HEATR5A: variants seen among roughly 807,000 people sequenced by gnomAD.
HEATR5A encodes HEAT repeat-containing protein 5A.
HEATR5A carries 178 observed loss-of-function variants against 218.8 expected under a neutral mutation model. That is an observed-to-expected ratio of 0.81 (90% CI 0.72 to 0.92). The LOEUF is 0.92. Ranked by LOEUF, HEATR5A falls within the 40% of genes least tolerant of loss-of-function variation. The pLI is 0.00. For missense variants in HEATR5A, 2,420 were observed against 2,418.9 expected, an observed-to-expected ratio of 1.00 and a Z score of -0.01; for synonymous variants, 864 against 871.6, an observed-to-expected ratio of 0.99 and a Z score of 0.15.
chr14:31,308,636 T>C (rs9972227), intron 29 of HEATR5A, among the ~76,000 whole-genome samples: 21 of 152,224 alleles, frequency 1.4e-4, no homozygotes, highest in Middle Eastern at 3.4e-3. Context: ...TAACTTTACT[T>C]TGGCTAAAAT....
rs544118229 is a variant in HEATR5A, at chr14:31,325,697, G to A, written c.3547+466C>T. On this transcript the variant is annotated intron_variant, in intron 23 of 35. Transcript: ENST00000543095. ...CTAATTAAAAAAAAAATTTTTTTTT[G>A]TAGAGATGGTGTTTTGCCACGTTGC... Among the ~76,000 whole-genome samples the A allele has an allele frequency of 8.6e-5, 13 of 151,786 alleles. 1 individual carries two copies. The South Asian group carries it at 2.5e-3, about 29-fold the overall frequency.
chr14:31,407,119 C>T (rs563058112), intron 1 of HEATR5A, among the ~76,000 whole-genome samples: 178 of 150,174 alleles, frequency 1.2e-3, no homozygotes, highest in Middle Eastern at 6.8e-3. Flanking sequence ...ATGAGACCCC[C>T]ATCTCTACAA....
In HEATR5A at chr14:31,358,829, G is replaced by C; in HGVS notation, c.2236-17C>G. On this transcript the variant is annotated splice_polypyrimidine_tract_variant and intron_variant, in intron 15 of 35. Coordinates refer to ENST00000543095, the MANE Select transcript of HEATR5A (RefSeq NM_015473.4). Reference sequence around the variant, plus strand: ...AAGCAGGAGCTAAAAGGGAAAAAAAGTATATAAGGTTTTAAAATCACTGAT... The same window carrying C: ...AAGCAGGAGCTAAAAGGGAAAAAAACTATATAAGGTTTTAAAATCACTGAT... The C allele has an allele frequency of 6.2e-7, 1 of 1,611,444 alleles. No individual in the cohort carries two copies. Among genetic ancestry groups the C allele is most frequent in the African/African-American group, 1.3e-5 (1 of 74,838 alleles).
At chr14:31,317,331 G>A (rs1004562192) in intron 26 of HEATR5A, among the ~76,000 whole-genome samples, 29 of 99,986 alleles carry the variant, frequency 2.9e-4, no homozygotes, top group African/African-American at 1.1e-3. Context: ...TTGAGATGGA[G>A]TCTCCCTCTA....
rs1566755014 is a variant in HEATR5A, at chr14:31,326,223, C to T, written c.3487G>A (p.Ala1163Thr). ...AACCACAGGGAGAGTTTTTCCACTG[C>T]CATAGATGTAAGCATATAATTTAAA... Reference protein sequence around the residue: ...ETLNYMLTSMAVEKLSLWLKL... With the variant: ...ETLNYMLTSMTVEKLSLWLKL... Residue 1163 changes from alanine to threonine, a missense_variant, in exon 23 of 36, where the codon GCA becomes ACA. By Grantham distance (58) the Ala-to-Thr change is moderately conservative. Transcript: ENST00000543095. 17 of 1,613,286 alleles carry T rather than the reference C, an allele frequency of 1.1e-5. No homozygotes were observed. Among genetic ancestry groups the T allele is most frequent in the Non-Finnish European group, 1.4e-5 (17 of 1,179,398 alleles).
intron 34 of HEATR5A, among the ~76,000 whole-genome samples, chr14:31,295,058 A>G (rs1176248625): frequency 2.0e-5 from 3 of 152,194 alleles, no homozygotes; most frequent in Non-Finnish European, 4.4e-5. Context: ...TTTCTGAGAG[A>G]AAATCTGGTT....
At chr14:31,329,178 G>A (rs1900376483) in intron 22 of HEATR5A, among the ~76,000 whole-genome samples, 1 of 152,066 alleles carries the variant, frequency 6.6e-6, no homozygotes, top group African/African-American at 2.4e-5. Flanking sequence ...TGAGACTTGG[G>A]TGGTGACACA....
At chr14:31,316,200 T>A (rs1425410461) in intron 26 of HEATR5A, among the ~76,000 whole-genome samples, 2 of 152,124 alleles carry the variant, frequency 1.3e-5, no homozygotes, top group East Asian at 3.9e-4. Context: ...GAGGATTGCA[T>A]GAGCCCATGA....
intron 28 of HEATR5A, among the ~76,000 whole-genome samples, chr14:31,310,198 G>A (rs550631291): frequency 4.1e-4 from 62 of 150,626 alleles, no homozygotes; most frequent in Non-Finnish European, 7.4e-4. Context: ...CATACTGTAT[G>A]TATCCTTTTT....
chr14:31,364,223 T>C lies in HEATR5A; in HGVS notation c.2037A>G (p.Glu679=), dbSNP rs1901725344. 1.9e-6 allele frequency: 3 copies of C among 1,551,148 alleles called. No individual in the cohort carries two copies. The highest frequency in any genetic ancestry group is 2.6e-6 in the Non-Finnish European group (3 of 1,143,678). The part of the protein sequence containing the change: ...PSVVYRQRLY[E]LLILLPPETY... ...TCTCAGGAGGTAATAAAATCAACAG[T>C]TCATAAAGTCTTTGTCTATAAACCA... Residue 679 remains glutamate, a synonymous_variant, in exon 14 of 36, where the codon GAA becomes GAG. Coordinates refer to ENST00000543095, the MANE Select transcript of HEATR5A (RefSeq NM_015473.4).
intron 3 of HEATR5A, 41 bp from the exon 4 acceptor site, chr14:31,398,822 A>C: frequency 9.0e-7 from 1 of 1,110,264 alleles, no homozygotes; most frequent in Non-Finnish European, 1.3e-6. Context: ...ACAGCTGAAA[A>C]AATAGGAATA....
In HEATR5A at chr14:31,321,564, G is replaced by C. The variant is rs200786967; in HGVS notation, c.3904C>G (p.Arg1302Gly). 1.7e-4 allele frequency: 266 copies of C among 1,606,436 alleles called. No individual in the cohort carries two copies. Among genetic ancestry groups the C allele is most frequent in the Non-Finnish European group, 2.1e-4 (252 of 1,176,524 alleles). The change falls in exon 25 of 36, where the codon CGA (arginine) becomes GGA (glycine). Residue 1302 changes from arginine to glycine, a missense_variant. Physicochemically the swap from Arg to Gly is moderately radical, Grantham distance 125. Transcript: ENST00000543095. Reference protein sequence around the residue: ...GLEMLLVVIRRFATVPEPEFP... With the variant: ...GLEMLLVVIRGFATVPEPEFP... ...TCTGGTTCTGGAACAGTTGCAAATC[G>C]CCGAATAACAACTAACAGCATTTCA...
chr14:31,325,238 CTCATT>C (rs367928275), intron 23 of HEATR5A, among the ~76,000 whole-genome samples: 64 of 152,206 alleles, frequency 4.2e-4, no homozygotes, highest in East Asian at 3.1e-3. Flanking sequence ...CTCTCTTCCT[CTCATT>C]TATTTTCTCT....
rs1178027162 is a variant in HEATR5A at position 31,343,428 on chromosome 14, C to A, written c.3228+468G>T. ...TTCAAAGGAACTTCTGGTTGATGGCCTTTATCTTTCTACATTCAGTAGATA... is the reference window on the plus strand; with the variant it reads ...TTCAAAGGAACTTCTGGTTGATGGCATTTATCTTTCTACATTCAGTAGATA... On this transcript the variant is annotated intron_variant, in intron 21 of 35. Coordinates refer to ENST00000543095, the MANE Select transcript of HEATR5A (RefSeq NM_015473.4). Among the ~76,000 whole-genome samples, 2 of 152,234 alleles carry A rather than the reference C, an allele frequency of 1.3e-5. 1 individual carries two copies. The highest frequency in any genetic ancestry group is 4.1e-4 in the South Asian group (2 of 4,822).
intron 22 of HEATR5A, among the ~76,000 whole-genome samples, chr14:31,332,493 G>C (rs1258577411): frequency 1.3e-5 from 2 of 152,138 alleles, no homozygotes; most frequent in Non-Finnish European, 2.9e-5. Flanking sequence ...TAAATCAAGA[G>C]CTGGAAATGA....
intron 6 of HEATR5A, among the ~76,000 whole-genome samples, chr14:31,390,946 C>T (rs1477092755): frequency 6.6e-6 from 1 of 152,052 alleles, no homozygotes; most frequent in Non-Finnish European, 1.5e-5. Flanking sequence ...CAGCTCCATG[C>T]GTGTCACTGC....
At chr14:31,357,236 A>T (rs1901455455) in intron 16 of HEATR5A, among the ~76,000 whole-genome samples, 1 of 152,216 alleles carries the variant, frequency 6.6e-6, no homozygotes, top group African/African-American at 2.4e-5. Context: ...TATAAATTTC[A>T]TTCACTTTTC....
chr14:31,311,939 C>T (rs1330011848), intron 28 of HEATR5A, among the ~76,000 whole-genome samples: 1 of 152,068 alleles, frequency 6.6e-6, no homozygotes, highest in Non-Finnish European at 1.5e-5. Flanking sequence ...TGAGCTGACC[C>T]GAATGGCCAC....
intron 13 of HEATR5A, among the ~76,000 whole-genome samples, chr14:31,366,712 C>T (rs1192610689): frequency 6.6e-6 from 1 of 151,976 alleles, no homozygotes; most frequent in East Asian, 1.9e-4. Context: ...TTTCTGAGGC[C>T]AACCAGCCCC....
Sources: allele counts gnomAD v4.1 joint callset (sites outside exome capture counted in the v4.1 genomes callset), GRCh38; gene constraint gnomAD v4.1.1; transcripts MANE v1.5; gene names NCBI Gene and HGNC (gene_info 2026-07-23, HGNC 2026-07-21).